The following ROBO2 variants were observed in gnomAD, a reference collection of about 807,000 sequenced individuals.
ROBO2 encodes roundabout guidance receptor 2, also known as roundabout homolog 2.
A neutral mutation model predicts 160.8 loss-of-function variants in ROBO2; 53 were observed. That is an observed-to-expected ratio of 0.33 (90% confidence interval 0.26 to 0.41). ROBO2 has a LOEUF of 0.41. Ranked by LOEUF, ROBO2 falls within the 10% of genes least tolerant of loss-of-function variation. ROBO2 has a pLI of 1.00. For missense variants in ROBO2, 1,577 were observed against 1,722.4 expected (o/e 0.92, Z 1.49); for synonymous variants, 664 against 611.7 (o/e 1.09, Z -1.26).
intron 1 of ROBO2, among the ~76,000 whole-genome samples, chr3:75,928,888 G>C (rs1465270162): frequency 1.3e-5 from 2 of 148,430 alleles, no homozygotes; most frequent in East Asian, 4.0e-4. Flanking sequence ...GTGTGTGTGT[G>C]TGTGTGTGTG....
In ROBO2 at chr3:76,686,550, T is replaced by A. The variant is rs1351310350; in HGVS notation, c.110-411464T>A. ...CCAGTTTTTAAAAATAGTTTGAGAG[T>A]CTATGTAATCCCCATAAAGTCCATG... On this transcript the variant is annotated intron_variant, in intron 2 of 26. Transcript: ENST00000487694. 7.9e-5 allele frequency among the ~76,000 whole-genome samples: 12 copies of A among 151,996 alleles called. No homozygotes were observed. In the Admixed American group the frequency reaches 7.9e-4, roughly 10 times the overall value.
At chr3:76,145,102 A>C (rs2071834440) in intron 2 of ROBO2, among the ~76,000 whole-genome samples, 1 of 119,896 alleles carries the variant, frequency 8.3e-6, no homozygotes, top group Non-Finnish European at 2.0e-5. Context: ...ACTTGTAAAG[A>C]AGAGAAAAAA....
chr3:77,149,422 G>C (rs1018820297), intron 2 of ROBO2, among the ~76,000 whole-genome samples: 9 of 152,154 alleles, frequency 5.9e-5, no homozygotes, highest in African/African-American at 2.2e-4. Context: ...TGGGGAATTA[G>C]TATTTATGCA....
chr3:76,476,215 T>C (rs1451632950), intron 2 of ROBO2, among the ~76,000 whole-genome samples: 2 of 152,194 alleles, frequency 1.3e-5, no homozygotes, highest in African/African-American at 2.4e-5. Flanking sequence ...CCTTTTTTTA[T>C]TAGTCTTCGT....
chr3:76,711,164 A>T (rs990517762), intron 2 of ROBO2, among the ~76,000 whole-genome samples: 20 of 152,164 alleles, frequency 1.3e-4, no homozygotes, highest in African/African-American at 4.8e-4. Context: ...GGTTTAGTTG[A>T]CTCACATTTC....
chr3:76,130,059 AG>A (rs2071166555), intron 2 of ROBO2, among the ~76,000 whole-genome samples: 1 of 152,100 alleles, frequency 6.6e-6, no homozygotes, highest in Admixed American at 6.6e-5. Flanking sequence ...TTCACCCTCC[AG>A]ATTAAAAAAT....
chr3:76,140,622 C>A (rs2071597479), intron 2 of ROBO2, among the ~76,000 whole-genome samples: 1 of 151,800 alleles, frequency 6.6e-6, no homozygotes, highest in Admixed American at 6.6e-5. Context: ...TGCCTTTTTT[C>A]AGAGTGTTCC....
intron 2 of ROBO2, among the ~76,000 whole-genome samples, chr3:76,707,198 CCT>C (rs1303332070): frequency 6.6e-6 from 1 of 151,906 alleles, no homozygotes; most frequent in Non-Finnish European, 1.5e-5. Context: ...CAACTTTTCC[CCT>C]CTGATTCCCT....
At chr3:77,081,884 T>C (rs1055859589) in intron 1 of ROBO2, among the ~76,000 whole-genome samples, 2 of 152,134 alleles carry the variant, frequency 1.3e-5, no homozygotes, top group Admixed American at 1.3e-4. Context: ...ACTCTTAATA[T>C]TGGCTAAAGA....
intron 2 of ROBO2, among the ~76,000 whole-genome samples, chr3:77,420,051 G>C (rs551615668): frequency 6.6e-6 from 1 of 152,152 alleles, no homozygotes; most frequent in East Asian, 1.9e-4. Flanking sequence ...AGAACCATTG[G>C]TGTAGGTTTA....
At chr3:76,013,592 C>T (rs904125614) in intron 2 of ROBO2, among the ~76,000 whole-genome samples, 3 of 146,676 alleles carry the variant, frequency 2.0e-5, no homozygotes, top group Non-Finnish European at 4.5e-5. Flanking sequence ...GTGGTTTGTG[C>T]GTGTAATCCC....
intron 2 of ROBO2, among the ~76,000 whole-genome samples, chr3:77,428,585 T>C (rs1280339477): frequency 1.3e-5 from 2 of 151,422 alleles, no homozygotes; most frequent in Non-Finnish European, 2.9e-5. Flanking sequence ...CTCGATCTCC[T>C]GACCTCATGA....
chr3:77,406,182 A>C (rs548980146), intron 2 of ROBO2, among the ~76,000 whole-genome samples: 2 of 152,180 alleles, frequency 1.3e-5, no homozygotes, highest in Non-Finnish European at 2.9e-5. Context: ...CTTCAAAAGC[A>C]CTTTAAAAGC....
chr3:76,357,248 C>A (rs935730277), intron 2 of ROBO2, among the ~76,000 whole-genome samples: 9 of 151,858 alleles, frequency 5.9e-5, no homozygotes, highest in Non-Finnish European at 1.2e-4. Context: ...GAACAGAAAA[C>A]CAAATACTGC....
At chr3:76,593,525 G>A (rs566935709) in intron 2 of ROBO2, among the ~76,000 whole-genome samples, 1 of 152,152 alleles carries the variant, frequency 6.6e-6, no homozygotes, top group East Asian at 1.9e-4. Flanking sequence ...TGAATGAGCA[G>A]AACATGCAAA....
At chr3:76,985,870 T>G (rs1284050452) in intron 2 of ROBO2, among the ~76,000 whole-genome samples, 3 of 152,206 alleles carry the variant, frequency 2.0e-5, no homozygotes, top group African/African-American at 4.8e-5. Flanking sequence ...CTTGTGGTCC[T>G]GGGACCATTA....
At chr3:76,486,078 T>C (rs896410240) in intron 2 of ROBO2, among the ~76,000 whole-genome samples, 1 of 152,302 alleles carries the variant, frequency 6.6e-6, no homozygotes, top group South Asian at 2.1e-4. Flanking sequence ...ATTATAAGAT[T>C]GTAAAGTAAG....
chr3:77,448,252 T>C (rs924926397), intron 2 of ROBO2, among the ~76,000 whole-genome samples: 2 of 152,142 alleles, frequency 1.3e-5, no homozygotes, highest in Non-Finnish European at 2.9e-5. Flanking sequence ...TAGTCTGGCC[T>C]ATGACTTTTG....
At chr3:76,756,258 G>T (rs962399796) in intron 2 of ROBO2, among the ~76,000 whole-genome samples, 2 of 151,760 alleles carry the variant, frequency 1.3e-5, no homozygotes, top group African/African-American at 4.8e-5. Flanking sequence ...AGAAATAAGA[G>T]AAATAATGGA....
Sources: gnomAD v4.1 joint callset for allele counts (sites outside exome capture counted in the v4.1 genomes callset) on GRCh38, gnomAD v4.1.1 for gene constraint, MANE v1.5 for transcripts, NCBI Gene and HGNC (gene_info 2026-07-23, HGNC 2026-07-21) for gene names.